The following PCDHGA2 variants were observed in gnomAD, a reference collection of about 807,000 sequenced individuals.
PCDHGA2 encodes the protein protocadherin gamma-A2.
PCDHGA2 carries 40 observed loss-of-function variants against 59.2 expected under a neutral mutation model. The ratio of observed to expected loss-of-function variants is 0.68; its 90% CI spans 0.52 to 0.88. PCDHGA2 has a LOEUF of 0.88. PCDHGA2 is among the 40% of genes least tolerant of loss of function. The pLI is 0.00. For missense variants in PCDHGA2, 1,226 were observed against 1,204.0 expected (o/e 1.02, Z -0.27); for synonymous variants, 560 against 526.0 (o/e 1.06, Z -0.89).
intron 1 of PCDHGA2, chr5:141,398,937 C>T (rs2093727338): frequency 1.9e-6 from 3 of 1,613,902 alleles, no homozygotes; most frequent in Non-Finnish European, 2.5e-6. Flanking sequence ...CTGACCAAGA[C>T]GAGGGCATCA....
At chr5:141,421,144 G>A (rs1241874764) in intron 1 of PCDHGA2, 1 of 999,180 alleles carries the variant, frequency 1.0e-6, no homozygotes, top group African/African-American at 1.6e-5. Flanking sequence ...TTTGGATGTA[G>A]TCGGCCTAGG....
intron 1 of PCDHGA2, chr5:141,383,516 G>A (rs757438983): frequency 3.0e-5 from 49 of 1,612,406 alleles, no homozygotes; most frequent in Non-Finnish European, 3.6e-5. Flanking sequence ...GAGGAAGAGC[G>A]GGTTCACCAC....
chr5:141,400,491 T>A, intron 1 of PCDHGA2: 1 of 1,614,080 alleles, frequency 6.2e-7, no homozygotes, highest in Non-Finnish European at 8.5e-7. Flanking sequence ...TTCCACTTTG[T>A]AATTCCAGCG....
intron 1 of PCDHGA2, chr5:141,352,495 C>T: frequency 6.2e-7 from 1 of 1,614,022 alleles, no homozygotes; most frequent in East Asian, 2.2e-5. Flanking sequence ...GGACTTTGCC[C>T]TATTCCTACA....
chr5:141,431,726 G>C lies in PCDHGA2; in HGVS notation c.2425-63081G>C. On this transcript the variant is annotated intron_variant, in intron 1 of 3. Coordinates refer to ENST00000394576, the MANE Select transcript of PCDHGA2 (RefSeq NM_018915.4). The surrounding 1 kb of genome is among the most constrained non-coding windows in gnomAD (Gnocchi z 4.8). ...CTACCAGATGGAAGTGCAAGCAATG[G>C]ATAATGCAGGATATTCTGCGCGAGC... The C allele has an allele frequency of 6.2e-7, 1 of 1,614,204 alleles. No homozygotes were observed. Among genetic ancestry groups the C allele is most frequent in the Non-Finnish European group, 8.5e-7 (1 of 1,180,032 alleles).
rs1333951046 is a variant in PCDHGA2, at chr5:141,485,847, C to T, written c.2425-8960C>T. 10 of 1,614,092 alleles carry T rather than the reference C, an allele frequency of 6.2e-6. No individual in the cohort carries two copies. In the African/African-American group the frequency reaches 8.0e-5, roughly 13 times the overall value. On this transcript the variant is annotated intron_variant, in intron 1 of 3. Transcript: ENST00000394576. This position sits in a 1 kb window ranked among gnomAD's most constrained non-coding sequence, Gnocchi z 5.7. ...GGAGGGAACCCGCCGAGATCTGGCA[C>T]CGCAGAGCTCCGGGTATCCGTGCTG...
At chr5:141,426,667 A>G in intron 1 of PCDHGA2, 2 of 430,860 alleles carry the variant, frequency 4.6e-6, no homozygotes, top group Non-Finnish European at 9.5e-6. Context: ...ATAAATGATA[A>G]CCCACCTCAT....
At chr5:141,409,617 C>A (rs2095293168) in intron 1 of PCDHGA2, 1 of 1,613,748 alleles carries the variant, frequency 6.2e-7, no homozygotes, top group South Asian at 1.1e-5. Context: ...GCCTCCATTG[C>A]GCAAGTGAGC....
At position 141,410,612 on chromosome 5, in the gene PCDHGA2, C is replaced by CT. The variant is rs748943892; in HGVS notation, c.2424+69218dup. The CT allele has an allele frequency of 5.6e-6, 9 of 1,605,878 alleles. 1 individual carries two copies. The South Asian group carries it at 9.9e-5, about 18-fold the overall frequency. On this transcript the variant is annotated intron_variant, in intron 1 of 3. Transcript: ENST00000394576. ...GGATTTGACTTCACATCCTGAGACT[C>CT]TGACTTCGGTGAGTTTCTCTTTTTT...
chr5:141,458,612 C>T (rs1381385841), intron 1 of PCDHGA2, among the ~76,000 whole-genome samples: 1 of 152,084 alleles, frequency 6.6e-6, no homozygotes, highest in Non-Finnish European at 1.5e-5. Flanking sequence ...CTCTGTCAGC[C>T]AGGCTGGAGT....
chr5:141,387,718 T>G, intron 1 of PCDHGA2: 1 of 1,099,216 alleles, frequency 9.1e-7, no homozygotes, highest in South Asian at 1.7e-5. Context: ...CAGCTCAGAC[T>G]CCCCAGCGCC....
chr5:141,440,671 T>C (rs2098194169), intron 1 of PCDHGA2: 1 of 152,210 alleles, frequency 6.6e-6, no homozygotes, highest in African/African-American at 2.4e-5. Context: ...CAACTCTATA[T>C]TTCTCTTTGA....
rs117345436 is a variant in PCDHGA2 at position 141,492,015 on chromosome 5, G to T, written c.2425-2792G>T. 1,356 of 600,608 alleles carry T rather than the reference G, an allele frequency of 2.3e-3. 40 individuals carry two copies. The East Asian group carries it at 0.038, about 17-fold the overall frequency. The allele number at this position is 600,608 out of a possible 1,614,324, so 37.2% of individuals were successfully genotyped here. A position where few individuals can be genotyped will look rare whatever the true frequency, so the allele number is the denominator to read the frequency against. ...ATTTCGGGCGATTTCCGCGGGTGTC[G>T]GGGGTCCCGGGAGGAGGCAGTCACA... On this transcript the variant is annotated intron_variant, in intron 1 of 3. Transcript: ENST00000394576.
At chr5:141,350,772 C>G in intron 1 of PCDHGA2, 1 of 1,613,910 alleles carries the variant, frequency 6.2e-7, no homozygotes, top group Non-Finnish European at 8.5e-7. Context: ...ACCATCAACC[C>G]CAATCAATAC....
intron 1 of PCDHGA2, chr5:141,400,474 G>A: frequency 6.2e-7 from 1 of 1,614,012 alleles, no homozygotes; most frequent in Non-Finnish European, 8.5e-7. Context: ...TTCATCTGGG[G>A]CCTTATTTCC....
rs747513122 is a variant in PCDHGA2, at chr5:141,361,367, A to G, written c.2424+19972A>G. The stretch of plus-strand genomic sequence containing the variant: ...AAACTAGTGACAGACGGCGCTCTGG[A>G]CCGGGAGGAGATCCCAGAATACAAT... On this transcript the variant is annotated intron_variant, in intron 1 of 3. Transcript: ENST00000394576. 8 of 1,613,876 alleles carry G rather than the reference A, an allele frequency of 5.0e-6. No individual in the cohort carries two copies. In the Admixed American group the frequency reaches 1.3e-4, roughly 27 times the overall value.
At chr5:141,482,205 C>T (rs1478729653) in intron 1 of PCDHGA2, among the ~76,000 whole-genome samples, 1 of 151,896 alleles carries the variant, frequency 6.6e-6, no homozygotes, top group Non-Finnish European at 1.5e-5. Context: ...TAAAACAGAC[C>T]AGGTACTTGT....
chr5:141,418,102 C>T (rs760484009), intron 1 of PCDHGA2: 15 of 1,614,014 alleles, frequency 9.3e-6, no homozygotes, highest in Non-Finnish European at 1.3e-5. Context: ...ACGCGCAGAG[C>T]GGGGACTTAC....
chr5:141,419,694 G>T, intron 1 of PCDHGA2: 2 of 1,612,974 alleles, frequency 1.2e-6, no homozygotes, highest in South Asian at 1.1e-5. Context: ...GTGCAGGCCA[G>T]TGAGCCCGGG....
Sources: allele counts gnomAD v4.1 joint callset (sites outside exome capture counted in the v4.1 genomes callset), GRCh38; gene constraint gnomAD v4.1.1; non-coding constraint Gnocchi (gnomAD v3.1); transcripts MANE v1.5; gene names NCBI Gene and HGNC (gene_info 2026-07-23, HGNC 2026-07-21).